Variants in MCM9 observed in about 807,000 individuals in gnomAD.
MCM9 encodes the protein DNA helicase MCM9.
A neutral mutation model predicts 72.8 loss-of-function variants in MCM9; 55 were observed. That is an observed-to-expected ratio of 0.76 (90% CI 0.61 to 0.95). The LOEUF (loss-of-function observed/expected upper bound fraction) is 0.95. Among genes scored for constraint, MCM9 ranks in the 40% least tolerant of loss-of-function variants. The pLI is 0.00. For missense variants in MCM9, 1,279 were observed against 1,377.0 expected, an observed-to-expected ratio of 0.93 and a Z score of 1.13; for synonymous variants, 480 against 503.4, an observed-to-expected ratio of 0.95 and a Z score of 0.62.
At chr6:118,931,773 G>C in intron 2 of MCM9, 35 bp from the exon 3 acceptor site, 1 of 1,451,310 alleles carries the variant, frequency 6.9e-7, no homozygotes, top group Non-Finnish European at 9.2e-7. Flanking sequence ...TTATATATTT[G>C]ATACTCAAGA....
At chr6:118,878,802 A>G (rs1778099024) in intron 8 of MCM9, among the ~76,000 whole-genome samples, 1 of 152,192 alleles carries the variant, frequency 6.6e-6, no homozygotes, top group Non-Finnish European at 1.5e-5. Flanking sequence ...TACACCTGTA[A>G]TCCCAGCACT....
chr6:118,856,206 T>C (rs1776543786), intron 9 of MCM9, among the ~76,000 whole-genome samples, 165 bp downstream of exon 9: 1 of 152,190 alleles, frequency 6.6e-6, no homozygotes, highest in Admixed American at 6.5e-5. Flanking sequence ...CCTCACACAC[T>C]TCTGTGGTCT....
intron 13 of MCM9, among the ~76,000 whole-genome samples, chr6:118,819,590 T>C (rs186991307): frequency 1.3e-5 from 2 of 152,306 alleles, no homozygotes; most frequent in Non-Finnish European, 2.9e-5. Context: ...TCTTTTTTTA[T>C]TGTCTCTCTG....
At chr6:118,842,842 G>T (rs761590560) in intron 9 of MCM9, among the ~76,000 whole-genome samples, 3 of 151,970 alleles carry the variant, frequency 2.0e-5, no homozygotes, top group African/African-American at 7.3e-5. Flanking sequence ...AAAAACTCAC[G>T]TTGCATCATT....
At chr6:118,834,496 A>G (rs1285056828) in intron 9 of MCM9, among the ~76,000 whole-genome samples, 1 of 152,136 alleles carries the variant, frequency 6.6e-6, no homozygotes, top group Non-Finnish European at 1.5e-5. Context: ...AACAGTTCCT[A>G]TTTCTCCACA....
In MCM9 at chr6:118,826,299, G is replaced by A; in HGVS notation, c.1816-7C>T. 1 of 1,547,688 alleles carries A rather than the reference G, an allele frequency of 6.5e-7. No individual in the cohort carries two copies. The highest frequency in any genetic ancestry group is 8.7e-7 in the Non-Finnish European group (1 of 1,145,784). Reference sequence around the variant, plus strand: ...CTCCTAGCAGTGCACCTCCCTGAAGGGGTGAGAAAATACCAGGAGAGTCAC... The same window carrying A: ...CTCCTAGCAGTGCACCTCCCTGAAGAGGTGAGAAAATACCAGGAGAGTCAC... On this transcript the variant is annotated splice_polypyrimidine_tract_variant and splice_region_variant and intron_variant, in intron 12 of 13. Coordinates refer to ENST00000619706, the MANE Select transcript of MCM9 (RefSeq NM_017696.3).
intron 3 of MCM9, among the ~76,000 whole-genome samples, chr6:118,924,438 T>A (rs1562440184): frequency 6.6e-6 from 1 of 152,216 alleles, no homozygotes; most frequent in Non-Finnish European, 1.5e-5. Flanking sequence ...AAGAGGGCTA[T>A]CTCAGTAGGA....
At position 118,826,446 on chromosome 6, in the gene MCM9, T is replaced by C. The variant is rs1774172822; in HGVS notation, c.1816-154A>G. Among the ~76,000 whole-genome samples, 3 of 152,006 alleles carry C rather than the reference T, an allele frequency of 2.0e-5. No individual in the cohort carries two copies. The South Asian group carries it at 6.2e-4, about 32-fold the overall frequency. ...CTTGGGAGGCTTTTTCAACTTTCTA[T>C]AGTTCACTCCCCCAGTTCTTGGTGG... On this transcript the variant is annotated intron_variant, in intron 12 of 13. Transcript: ENST00000619706.
intron 9 of MCM9, among the ~76,000 whole-genome samples, chr6:118,854,420 T>C (rs1351345645): frequency 6.6e-6 from 1 of 151,520 alleles, no homozygotes; most frequent in East Asian, 2.0e-4. Flanking sequence ...GAGTACGATC[T>C]TGGCTTACTG....
chr6:118,858,648 G>A (rs1316246941), intron 8 of MCM9, among the ~76,000 whole-genome samples: 3 of 152,054 alleles, frequency 2.0e-5, no homozygotes, highest in South Asian at 2.1e-4. Context: ...ACTAGTAAAC[G>A]AGTGTGGCAA....
intron 4 of MCM9, among the ~76,000 whole-genome samples, chr6:118,923,057 A>G (rs983541530): frequency 2.0e-5 from 3 of 151,394 alleles, no homozygotes; most frequent in Non-Finnish European, 4.4e-5. Context: ...AAAAAAGCAA[A>G]GAAAAGAATG....
chr6:118,880,172 A>T (rs1337460433), intron 8 of MCM9, among the ~76,000 whole-genome samples: 2 of 141,006 alleles, frequency 1.4e-5, no homozygotes, highest in East Asian at 2.1e-4. Context: ...TAGCCTAATT[A>T]AAAAAAAAAA....
chr6:118,933,964 C>CAAAAAAAAAAAA lies in MCM9; in HGVS notation c.-150+915_-150+926dup, dbSNP rs58109173. On this transcript the variant is annotated intron_variant, in intron 1 of 13. Coordinates refer to ENST00000619706, the MANE Select transcript of MCM9 (RefSeq NM_017696.3). ...ATATCTCCACAATGTGGACTTTGCC[C>CAAAAAAAAAAAA]AAAAAAAAAAAAAAAAAAATCTGGA... Among the ~76,000 whole-genome samples, 146 of 100,256 alleles carry CAAAAAAAAAAAA rather than the reference C, an allele frequency of 1.5e-3. 5 individuals are homozygous for CAAAAAAAAAAAA. Among genetic ancestry groups the CAAAAAAAAAAAA allele is most frequent in the African/African-American group, 4.4e-3 (128 of 28,836 alleles). The allele number at this position is 100,256 out of a possible 152,430, so 65.8% of individuals were successfully genotyped here. A position where few individuals can be genotyped will look rare whatever the true frequency, so the allele number is the denominator to read the frequency against.
chr6:118,904,439 A>G, intron 8 of MCM9, among the ~76,000 whole-genome samples: 1 of 152,184 alleles, frequency 6.6e-6, no homozygotes, highest in East Asian at 1.9e-4. Flanking sequence ...GCAACAGGTA[A>G]GCTAATTTGC....
At chr6:118,825,505 C>T (rs1024457833) in intron 13 of MCM9, among the ~76,000 whole-genome samples, 1 of 151,986 alleles carries the variant, frequency 6.6e-6, no homozygotes, top group Non-Finnish European at 1.5e-5. Context: ...TTCACCAGAC[C>T]CCGGCTTTGA....
At chr6:118,844,895 A>G (rs543310854) in intron 9 of MCM9, among the ~76,000 whole-genome samples, 2 of 151,790 alleles carry the variant, frequency 1.3e-5, no homozygotes, top group East Asian at 3.8e-4. Flanking sequence ...CTTTGTCTTC[A>G]TTACAGTTCT....
chr6:118,835,952 T>C (rs960918508), intron 9 of MCM9, among the ~76,000 whole-genome samples: 2 of 152,178 alleles, frequency 1.3e-5, no homozygotes, highest in Admixed American at 6.6e-5. Context: ...GCTTCCAGCT[T>C]TTGCCCATTC....
At chr6:118,835,526 T>G (rs1562403618) in intron 9 of MCM9, among the ~76,000 whole-genome samples, 1 of 152,214 alleles carries the variant, frequency 6.6e-6, no homozygotes, top group Non-Finnish European at 1.5e-5. Flanking sequence ...CTTATTTCCT[T>G]GAGCAGTGGT....
intron 12 of MCM9, 45 bp downstream of exon 12, chr6:118,826,735 GAA>G (rs1562400394): frequency 7.1e-7 from 1 of 1,404,640 alleles, no homozygotes; most frequent in East Asian, 2.5e-5. Context: ...TTAAAAAAAA[GAA>G]AGTTTGTAAT....
Sources: allele counts gnomAD v4.1 joint callset (sites outside exome capture counted in the v4.1 genomes callset), GRCh38; gene constraint gnomAD v4.1.1; transcripts MANE v1.5; gene names NCBI Gene and HGNC (gene_info 2026-07-23, HGNC 2026-07-21).